The following USP32 variants were observed in gnomAD, a reference collection of about 807,000 sequenced individuals.
USP32 encodes the protein ubiquitin carboxyl-terminal hydrolase 32.
Under a neutral mutation model 204.8 loss-of-function variants are expected in USP32, and 59 were observed. That is an observed-to-expected ratio of 0.29 (90% confidence interval 0.23 to 0.36). The LOEUF is 0.36. USP32 is among the 10% of genes least tolerant of loss of function. The pLI is 1.00. For synonymous variants in USP32, 517 were observed against 678.4 expected (o/e 0.76, Z 3.70); for missense variants, 1,160 against 1,946.4 (o/e 0.60, Z 7.60).
intron 1 of USP32, among the ~76,000 whole-genome samples, chr17:60,375,192 G>A (rs572444892): frequency 1.1e-4 from 17 of 152,136 alleles, no homozygotes; most frequent in Non-Finnish European, 2.4e-4. Context: ...CTTCTCTGTG[G>A]ATACCACGCT....
In USP32 at chr17:60,249,670, C is replaced by T. The variant is rs538557465; in HGVS notation, c.1136+2711G>A. 3.8e-5 allele frequency: 26 copies of T among 692,046 alleles called. No individual in the cohort carries two copies. In the East Asian group the frequency reaches 7.1e-4, roughly 19 times the overall value. The allele number at this position is 692,046 out of a possible 1,614,324, so 42.9% of individuals were successfully genotyped here. A position where few individuals can be genotyped will look rare whatever the true frequency, so the allele number is the denominator to read the frequency against. ...CTGCTCCTGGTTAAATTACCACACA[C>T]TTCCATTGTTCTCACCAAGGATTAG... On this transcript the variant is annotated intron_variant, in intron 11 of 33. Coordinates refer to ENST00000300896, the MANE Select transcript of USP32 (RefSeq NM_032582.4).
At chr17:60,252,266 A>T in intron 11 of USP32, 115 bp downstream of exon 11, 4 of 838,378 alleles carry the variant, frequency 4.8e-6, no homozygotes, top group Non-Finnish European at 3.7e-6. Flanking sequence ...TCAATATGTA[A>T]CTATTTTTGA....
chr17:60,335,572 T>C (rs2088496719), intron 2 of USP32, among the ~76,000 whole-genome samples: 1 of 142,164 alleles, frequency 7.0e-6, no homozygotes. Context: ...TAGAAAAAAA[T>C]ATATCTACAA....
At chr17:60,249,811 T>C in intron 11 of USP32, 2 of 695,728 alleles carry the variant, frequency 2.9e-6, no homozygotes, top group Non-Finnish European at 5.2e-6. Context: ...GGGAAAGGGT[T>C]GGCTGAGATC....
At chr17:60,272,692 C>G (rs2086750853) in intron 5 of USP32, among the ~76,000 whole-genome samples, 1 of 152,146 alleles carries the variant, frequency 6.6e-6, no homozygotes, top group Non-Finnish European at 1.5e-5. Flanking sequence ...AAGGTGAACC[C>G]TTTCATTACC....
rs1260456481 is a variant in USP32, at chr17:60,177,452, TAATA to T, written c.*1799_*1802del. On this transcript the variant is annotated 3_prime_UTR_variant, in exon 34 of 34. Transcript: ENST00000300896. ...AGGTGAATGTAGTTAATAGTTAATT[TAATA>T]AATTTTCTGCTAGTTCATGAATTAA... Among the ~76,000 whole-genome samples the T allele has an allele frequency of 6.6e-6, 1 of 152,242 alleles. No individual in the cohort carries two copies. The highest frequency in any genetic ancestry group is 1.5e-5 in the Non-Finnish European group (1 of 68,040).
chr17:60,260,741 A>G (rs1276394152), intron 9 of USP32, among the ~76,000 whole-genome samples: 2 of 152,056 alleles, frequency 1.3e-5, no homozygotes, highest in East Asian at 3.9e-4. Context: ...TCAGAAAAAA[A>G]TTATTGCATA....
chr17:60,226,736 C>A (rs2085401596), intron 12 of USP32, among the ~76,000 whole-genome samples: 1 of 152,024 alleles, frequency 6.6e-6, no homozygotes, highest in Non-Finnish European at 1.5e-5. Context: ...GGTGTATGTA[C>A]ATAGAGTGAA....
At chr17:60,405,132 T>C (rs2089965499) in intron 1 of USP32, among the ~76,000 whole-genome samples, 1 of 152,164 alleles carries the variant, frequency 6.6e-6, no homozygotes, top group South Asian at 2.1e-4. Context: ...GCCACTGCAC[T>C]CCAGCCTAGG....
intron 11 of USP32, among the ~76,000 whole-genome samples, chr17:60,241,288 C>A (rs1362527862): frequency 6.6e-6 from 1 of 152,092 alleles, no homozygotes; most frequent in Non-Finnish European, 1.5e-5. Flanking sequence ...TGTGAGCCAA[C>A]GCACCCAGCC....
intron 29 of USP32, among the ~76,000 whole-genome samples, chr17:60,187,982 T>G (rs1178185674): frequency 6.6e-6 from 1 of 152,138 alleles, no homozygotes; most frequent in Non-Finnish European, 1.5e-5. Context: ...TTTTTTTCTT[T>G]CTTTTTTTGT....
At chr17:60,274,324 CA>C (rs1489421141) in intron 5 of USP32, among the ~76,000 whole-genome samples, 1 of 152,030 alleles carries the variant, frequency 6.6e-6, no homozygotes. Context: ...AAGATAATAT[CA>C]AACATACATA....
rs2088426088 is a variant in USP32 at position 60,332,956 on chromosome 17, C to CTAG, written c.186+12524_186+12525insCTA. The stretch of plus-strand genomic sequence containing the variant: ...ATCCTCATTGTGAAAACATCTTACT[C>CTAG]TATGTATAGTACACAGAACTTACAT... On this transcript the variant is annotated intron_variant, in intron 2 of 33. Transcript: ENST00000300896. Among the ~76,000 whole-genome samples, 3 of 152,162 alleles carry CTAG rather than the reference C, an allele frequency of 2.0e-5. No homozygotes were observed. In the East Asian group the frequency reaches 5.8e-4, roughly 29 times the overall value.
At chr17:60,414,548 C>T (rs1006288154) in intron 1 of USP32, among the ~76,000 whole-genome samples, 4 of 150,228 alleles carry the variant, frequency 2.7e-5, no homozygotes, top group South Asian at 4.2e-4. Context: ...CATGTCTCAG[C>T]CTCCTGAGTA....
chr17:60,259,381 T>C (rs537959606), intron 9 of USP32, among the ~76,000 whole-genome samples: 12 of 152,066 alleles, frequency 7.9e-5, no homozygotes, highest in African/African-American at 4.8e-5. Flanking sequence ...TGCTGTGATG[T>C]AAAAAAACAA....
intron 29 of USP32, among the ~76,000 whole-genome samples, chr17:60,187,198 TGA>T (rs1160338774): frequency 4.6e-5 from 7 of 152,202 alleles, no homozygotes; most frequent in African/African-American, 1.7e-4. Flanking sequence ...CTTCCCTATA[TGA>T]GAGTCACGAG....
At chr17:60,250,221 C>T (rs1212652781) in intron 11 of USP32, among the ~76,000 whole-genome samples, 1 of 151,918 alleles carries the variant, frequency 6.6e-6, no homozygotes, top group Non-Finnish European at 1.5e-5. Flanking sequence ...AAATGAGAGA[C>T]ACTAATTTCA....
intron 1 of USP32, among the ~76,000 whole-genome samples, chr17:60,390,803 C>T (rs1216871522): frequency 2.0e-5 from 3 of 152,190 alleles, no homozygotes; most frequent in Non-Finnish European, 4.4e-5. Context: ...AACCTGTTAA[C>T]AATAATGCCT....
chr17:60,348,039 G>A (rs552954862), intron 1 of USP32, among the ~76,000 whole-genome samples: 12 of 151,790 alleles, frequency 7.9e-5, no homozygotes, highest in East Asian at 3.9e-4. Flanking sequence ...GGAGAATGGC[G>A]TGAACTCGGG....
Sources: allele counts gnomAD v4.1 joint callset (sites outside exome capture counted in the v4.1 genomes callset), GRCh38; gene constraint gnomAD v4.1.1; transcripts MANE v1.5; gene names NCBI Gene and HGNC (gene_info 2026-07-23, HGNC 2026-07-21).